VPS13C: variants seen among roughly 807,000 people sequenced by gnomAD.
The protein encoded by VPS13C is vacuolar protein sorting 13 homolog C.
VPS13C carries 358 observed loss-of-function variants against 456.8 expected under a neutral mutation model. That is an observed-to-expected ratio of 0.78 (90% CI 0.72 to 0.86). VPS13C has a LOEUF of 0.86. Ranked by LOEUF, VPS13C falls within the 40% of genes least tolerant of loss-of-function variation. The pLI is 0.00. For missense variants in VPS13C, 4,818 were observed against 4,385.4 expected, an observed-to-expected ratio of 1.10 and a Z score of -2.79; for synonymous variants, 1,578 against 1,486.7, an observed-to-expected ratio of 1.06 and a Z score of -1.41.
chr15:61,995,250 T>C (rs970131047), intron 16 of VPS13C, among the ~76,000 whole-genome samples: 1 of 152,194 alleles, frequency 6.6e-6, no homozygotes, highest in Non-Finnish European at 1.5e-5. Context: ...ATAAAAAAGA[T>C]CTACCCGAGA....
intron 24 of VPS13C, among the ~76,000 whole-genome samples, chr15:61,974,983 GTTTA>G (rs1433774100): frequency 6.6e-6 from 1 of 151,980 alleles, no homozygotes; most frequent in African/African-American, 2.4e-5. Flanking sequence ...ATTGCCTCAG[GTTTA>G]TTTGTCTCAA....
chr15:61,879,149 T>C (rs1419222774), intron 73 of VPS13C, among the ~76,000 whole-genome samples: 3 of 151,948 alleles, frequency 2.0e-5, no homozygotes, highest in Non-Finnish European at 4.4e-5. Flanking sequence ...AGCTGTCAAG[T>C]TTTTAAAAGT....
intron 66 of VPS13C, among the ~76,000 whole-genome samples, chr15:61,893,708 T>C (rs975006139): frequency 9.9e-5 from 15 of 151,652 alleles, no homozygotes; most frequent in Admixed American, 9.2e-4. Context: ...AAAAAAGATA[T>C]AAATTGAGAC....
intron 6 of VPS13C, among the ~76,000 whole-genome samples, chr15:62,027,716 G>A (rs938643747): frequency 6.6e-6 from 1 of 152,014 alleles, no homozygotes; most frequent in African/African-American, 2.4e-5. Flanking sequence ...ATAAGATTAT[G>A]TAAAATACTA....
chr15:62,020,221 T>A (rs976001612), intron 9 of VPS13C, among the ~76,000 whole-genome samples: 1 of 151,850 alleles, frequency 6.6e-6, no homozygotes, highest in Non-Finnish European at 1.5e-5. Context: ...CCCACATGTT[T>A]AAGATACAGC....
chr15:61,973,318 A>C, intron 26 of VPS13C, 136 bp downstream of exon 26: 2 of 656,816 alleles, frequency 3.0e-6, no homozygotes, highest in African/African-American at 1.8e-5. Context: ...GAGTCACACT[A>C]ATGTAGCACA....
chr15:62,041,453 T>C (rs2048238797), intron 2 of VPS13C, 87 bp from the exon 3 acceptor site: 3 of 1,314,766 alleles, frequency 2.3e-6, no homozygotes, highest in Non-Finnish European at 3.2e-6. Context: ...TAAATACACA[T>C]GTCCAAAGAA....
intron 9 of VPS13C, among the ~76,000 whole-genome samples, chr15:62,016,670 A>G (rs79463436): frequency 4.0e-5 from 6 of 151,854 alleles, no homozygotes; most frequent in Non-Finnish European, 8.8e-5. Context: ...CCAGTCTATC[A>G]CTGTTGGACA....
At chr15:61,927,455 G>GTTAA in intron 51 of VPS13C, 135 bp from the exon 52 acceptor site, 1 of 653,138 alleles carries the variant, frequency 1.5e-6, no homozygotes, top group South Asian at 2.0e-5. Flanking sequence ...ATATTAATTG[G>GTTAA]TTAATTAATA....
chr15:62,041,328 T>C lies in VPS13C; in HGVS notation c.183A>G (p.Gln61=), dbSNP rs2048234674. ...LDVPFKVKAG[Q]IDKLTLKIPW... ...AATGAAGACTAAAGTACTTACCAAT[T>C]TGGCCAGCCTTGACTTTAAAAGGAA... Residue 61 remains glutamine (Q), a synonymous_variant, in exon 3 of 85, where the codon CAA becomes CAG. Transcript: ENST00000644861. The C allele has an allele frequency of 1.2e-6, 2 of 1,606,706 alleles. No individual in the cohort carries two copies. Among genetic ancestry groups the C allele is most frequent in the Non-Finnish European group, 1.7e-6 (2 of 1,178,158 alleles).
In VPS13C at chr15:61,874,957, A is replaced by T; in HGVS notation, c.10339-6T>A. 1 of 1,450,474 alleles carries T rather than the reference A, an allele frequency of 6.9e-7. No homozygotes were observed. Among genetic ancestry groups the T allele is most frequent in the Non-Finnish European group, 9.1e-7 (1 of 1,092,980 alleles). 89.9% of individuals were successfully genotyped at this position (1,450,474 alleles called of 1,614,324 possible). On this transcript the variant is annotated splice_region_variant and splice_polypyrimidine_tract_variant and intron_variant, in intron 76 of 84. Coordinates refer to ENST00000644861, the MANE Select transcript of VPS13C (RefSeq NM_020821.3). ...TCAGGGCCTTGAACAGCACCCTGGC[A>T]AAAAAAAATAAAAAATAATCTTATT...
rs1036800735 is a variant in VPS13C at position 61,973,401 on chromosome 15, A to G, written c.2617+53T>C. 6 of 1,436,278 alleles carry G rather than the reference A, an allele frequency of 4.2e-6. No homozygotes were observed. In the African/African-American group the frequency reaches 8.5e-5, roughly 20 times the overall value. 89.0% of individuals were successfully genotyped at this position (1,436,278 alleles called of 1,614,324 possible). A position where few individuals can be genotyped will look rare whatever the true frequency, so the allele number is the denominator to read the frequency against. ...TATTTTCTGAAAATGTTATCTCTGT[A>G]TAACAATGTATAGGCTTAATTTAAT... On this transcript the variant is annotated intron_variant, in intron 26 of 84. Transcript: ENST00000644861.
At chr15:61,896,016 C>T (rs1890423286) in intron 66 of VPS13C, among the ~76,000 whole-genome samples, 1 of 152,048 alleles carries the variant, frequency 6.6e-6, no homozygotes, top group Admixed American at 6.5e-5. Context: ...TGTTAACTAC[C>T]CTGATCTAAT....
chr15:61,942,191 G>T, intron 45 of VPS13C, 124 bp from the exon 46 acceptor site: 6 of 895,190 alleles, frequency 6.7e-6, no homozygotes, highest in Middle Eastern at 3.5e-4. Flanking sequence ...TTATGATTTT[G>T]TGTATGTAGA....
chr15:62,007,235 C>A (rs1053528805), intron 15 of VPS13C, 73 bp downstream of exon 15: 2 of 1,125,430 alleles, frequency 1.8e-6, no homozygotes, highest in Non-Finnish European at 2.3e-6. Context: ...TTTTTTGATT[C>A]AAATTACATG....
At chr15:62,030,729 G>A (rs983840538) in intron 5 of VPS13C, among the ~76,000 whole-genome samples, 3 of 152,074 alleles carry the variant, frequency 2.0e-5, no homozygotes, top group Non-Finnish European at 4.4e-5. Flanking sequence ...GAGATAGTAA[G>A]AGAAGTAAAC....
At chr15:62,011,412 T>C (rs1490128524) in intron 12 of VPS13C, among the ~76,000 whole-genome samples, 1 of 152,026 alleles carries the variant, frequency 6.6e-6, no homozygotes, top group Non-Finnish European at 1.5e-5. Context: ...CATCAAAAAA[T>C]GTAGGGATCT....
intron 73 of VPS13C, among the ~76,000 whole-genome samples, chr15:61,879,856 G>T (rs753984395): frequency 6.6e-6 from 1 of 151,968 alleles, no homozygotes; most frequent in African/African-American, 2.4e-5. Context: ...CAAACTAATA[G>T]ATCAATTTAA....
intron 3 of VPS13C, among the ~76,000 whole-genome samples, chr15:62,037,441 A>G (rs1411714155): frequency 4.8e-5 from 6 of 126,076 alleles, no homozygotes; most frequent in African/African-American, 1.5e-4. Flanking sequence ...TATAATATAT[A>G]TTAAATAAAT....
Sources: gnomAD v4.1 joint callset for allele counts (sites outside exome capture counted in the v4.1 genomes callset) on GRCh38, gnomAD v4.1.1 for gene constraint, MANE v1.5 for transcripts, NCBI Gene and HGNC (gene_info 2026-07-23, HGNC 2026-07-21) for gene names.